The following ACTR3 variants were observed in gnomAD, a reference collection of about 807,000 sequenced individuals.
ACTR3 encodes the protein actin related protein 3, also known as actin-related protein 3.
ACTR3 carries 12 observed loss-of-function variants against 56.8 expected under a neutral mutation model. The ratio of observed to expected loss-of-function variants is 0.21; its 90% CI spans 0.14 to 0.34. ACTR3 has a LOEUF of 0.34. ACTR3 is among the 10% of genes least tolerant of loss of function. ACTR3 has a pLI of 1.00. For missense variants in ACTR3, 282 were observed against 512.5 expected, an observed-to-expected ratio of 0.55 and a Z score of 4.34; for synonymous variants, 162 against 167.4, an observed-to-expected ratio of 0.97 and a Z score of 0.25.
At position 113,940,178 on chromosome 2, in the gene ACTR3, A is replaced by G. The variant is rs976248775; in HGVS notation, c.684+76A>G. ...ATAACATTAACGTGAGAAATTTTTA[A>G]TAGAAGAAGAGTACTTGAAATAATC... is the stretch of plus-strand genomic sequence containing the variant. On this transcript the variant is annotated intron_variant, in intron 7 of 11. Coordinates refer to ENST00000263238, the MANE Select transcript of ACTR3 (RefSeq NM_005721.5). The G allele has an allele frequency of 3.1e-5, 40 of 1,273,384 alleles. No homozygotes were observed. In the South Asian group the frequency reaches 4.1e-4, roughly 13 times the overall value. The allele number at this position is 1,273,384 out of a possible 1,614,324, so 78.9% of individuals were successfully genotyped here.
intron 11 of ACTR3, among the ~76,000 whole-genome samples, chr2:113,956,923 A>T (rs954968615): frequency 2.0e-5 from 3 of 152,228 alleles, no homozygotes; most frequent in Non-Finnish European, 4.4e-5. Context: ...TTGAATGAGG[A>T]AGGCAAATGA....
chr2:113,900,516 A>G (rs1327799814), intron 1 of ACTR3, among the ~76,000 whole-genome samples: 3 of 152,200 alleles, frequency 2.0e-5, no homozygotes, highest in African/African-American at 4.8e-5. Flanking sequence ...AATTAAAGGA[A>G]TGGGTAGAGG....
chr2:113,892,259 A>G (rs1678918409), intron 1 of ACTR3, among the ~76,000 whole-genome samples: 1 of 152,230 alleles, frequency 6.6e-6, no homozygotes, highest in South Asian at 2.1e-4. Flanking sequence ...AATGACCAGT[A>G]GGATCGGGAA....
At chr2:113,892,300 G>C (rs1159330604) in intron 1 of ACTR3, among the ~76,000 whole-genome samples, 1 of 152,152 alleles carries the variant, frequency 6.6e-6, no homozygotes, top group Non-Finnish European at 1.5e-5. Flanking sequence ...GGCTATTTCT[G>C]TTTTAAAATT....
chr2:113,895,397 A>G (rs1223808146), intron 1 of ACTR3, among the ~76,000 whole-genome samples: 2 of 152,164 alleles, frequency 1.3e-5, no homozygotes, highest in African/African-American at 2.4e-5. Context: ...AACGTTTGAC[A>G]TGGCTTGGTG....
Position 113,939,029 on chromosome 2 carries a change from C to CTT in ACTR3, c.541-919_541-918dup, listed in dbSNP as rs746714658. ...AATGTCTGAAAACCTTTCTTTCTTTCTTTTTTTTTTTTGAGACGGAGTTTC... is the reference window on the plus strand; with the variant it reads ...AATGTCTGAAAACCTTTCTTTCTTTCTTTTTTTTTTTTTTGAGACGGAGTTTC... On this transcript the variant is annotated intron_variant, in intron 6 of 11. Coordinates refer to ENST00000263238, the MANE Select transcript of ACTR3 (RefSeq NM_005721.5). Among the ~76,000 whole-genome samples, 164 of 146,144 alleles carry CTT rather than the reference C, an allele frequency of 1.1e-3. 1 individual carries two copies. The highest frequency in any genetic ancestry group is 7.1e-3 in the Middle Eastern group (2 of 280).
chr2:113,890,479 G>T, intron 1 of ACTR3, 156 bp downstream of exon 1: 1 of 1,290,170 alleles, frequency 7.8e-7, no homozygotes, highest in Non-Finnish European at 1.0e-6. Context: ...CCCGCAGCCA[G>T]GGCCTCGCGG....
chr2:113,931,621 G>T (rs938872981), intron 5 of ACTR3, among the ~76,000 whole-genome samples: 1 of 152,178 alleles, frequency 6.6e-6, no homozygotes, highest in East Asian at 1.9e-4. Context: ...TGGTGTTTGG[G>T]TATTTCAAGG....
rs1005142344 is a variant in ACTR3 at position 113,890,300 on chromosome 2, C to G, written c.21C>G (p.Ala7=). Residue 7 remains alanine (A), a synonymous_variant, in exon 1 of 12, where the codon GCC becomes GCG. Transcript: ENST00000263238. MAGRLP[A]CVVDCGTGYT... is the part of the protein sequence containing the mutation. ...GGAAGATGGCGGGACGGCTGCCGGC[C>G]TGTGTGGTGGACTGTGGCACGGGGT... is the stretch of plus-strand genomic sequence containing the variant. The G allele has an allele frequency of 3.9e-6, 5 of 1,279,990 alleles. No individual in the cohort carries two copies. The African/African-American group carries it at 6.7e-5, about 17-fold the overall frequency. The allele number at this position is 1,279,990 out of a possible 1,614,324, so 79.3% of individuals were successfully genotyped here.
chr2:113,904,707 T>G (rs1373538306), intron 1 of ACTR3: 1 of 152,244 alleles, frequency 6.6e-6, no homozygotes, highest in Non-Finnish European at 1.5e-5. Flanking sequence ...CTAGTAATGT[T>G]TTTTATTTTG....
chr2:113,959,458 G>A lies in ACTR3; in HGVS notation c.*2003G>A, dbSNP rs750162276. The A allele has an allele frequency of 4.6e-5, 7 of 152,002 alleles. No homozygotes were observed. Among genetic ancestry groups the A allele is most frequent in the Non-Finnish European group, 7.4e-5 (5 of 67,910 alleles). 9.4% of individuals were successfully genotyped at this position (152,002 alleles called of 1,614,324 possible). A position where few individuals can be genotyped will look rare whatever the true frequency, so the allele number is the denominator to read the frequency against. On this transcript the variant is annotated 3_prime_UTR_variant, in exon 12 of 12. Transcript: ENST00000263238. ...TAAGCTAGAAAGACATGTTTATAAA[G>A]CTATTTGATGACAATCTCAGGCATA...
chr2:113,930,760 G>A (rs1447145407), intron 4 of ACTR3, among the ~76,000 whole-genome samples: 2 of 152,186 alleles, frequency 1.3e-5, no homozygotes, highest in African/African-American at 4.8e-5. Flanking sequence ...AGAGTGCTCT[G>A]CAAACATCTT....
chr2:113,893,978 A>G (rs149593750), intron 1 of ACTR3, among the ~76,000 whole-genome samples: 1 of 152,320 alleles, frequency 6.6e-6, no homozygotes, highest in African/African-American at 2.4e-5. Flanking sequence ...GCAGATAAGA[A>G]TGATCTTGTT....
At chr2:113,940,681 A>G (rs986308282) in intron 7 of ACTR3, among the ~76,000 whole-genome samples, 3 of 151,960 alleles carry the variant, frequency 2.0e-5, no homozygotes, top group African/African-American at 7.2e-5. Flanking sequence ...CCACATAACC[A>G]AAAAATTTCA....
intron 1 of ACTR3, among the ~76,000 whole-genome samples, chr2:113,911,043 G>A (rs1424692641): frequency 6.6e-6 from 1 of 152,156 alleles, no homozygotes; most frequent in Non-Finnish European, 1.5e-5. Flanking sequence ...TTTTGGTATA[G>A]TAGACTAGTC....
At chr2:113,938,166 C>G (rs1679861773) in intron 6 of ACTR3, among the ~76,000 whole-genome samples, 1 of 151,896 alleles carries the variant, frequency 6.6e-6, no homozygotes, top group South Asian at 2.1e-4. Context: ...ATTTTAGATA[C>G]TGTATTTTTT....
intron 1 of ACTR3, among the ~76,000 whole-genome samples, chr2:113,909,843 G>A (rs1170860731): frequency 6.6e-6 from 1 of 152,082 alleles, no homozygotes; most frequent in Admixed American, 6.6e-5. Context: ...TGTTCATGTG[G>A]ATGGGCCTTT....
intron 1 of ACTR3, among the ~76,000 whole-genome samples, chr2:113,894,111 T>C (rs922989957): frequency 6.6e-6 from 1 of 151,714 alleles, no homozygotes; most frequent in African/African-American, 2.4e-5. Context: ...TTTTTTGAGA[T>C]GGAGTTTTGC....
chr2:113,934,962 A>G (rs929680709), intron 6 of ACTR3, among the ~76,000 whole-genome samples: 3 of 152,340 alleles, frequency 2.0e-5, no homozygotes, highest in Non-Finnish European at 2.9e-5. Context: ...ATGGGTATAT[A>G]GAGAAAGGTT....
Sources: gnomAD v4.1 joint callset for allele counts (sites outside exome capture counted in the v4.1 genomes callset) on GRCh38, gnomAD v4.1.1 for gene constraint, MANE v1.5 for transcripts, NCBI Gene and HGNC (gene_info 2026-07-23, HGNC 2026-07-21) for gene names.